The following ROBO2 variants were observed in gnomAD, a reference collection of about 807,000 sequenced individuals.
ROBO2 encodes the protein roundabout homolog 2.
In ROBO2, 53 loss-of-function variants were observed where a neutral mutation model predicts 160.8. The ratio of observed to expected loss-of-function variants is 0.33; its 90% CI spans 0.26 to 0.41. ROBO2 has a LOEUF of 0.41. ROBO2 is among the 10% of genes least tolerant of loss of function. The pLI is 1.00. For synonymous variants in ROBO2, 664 were observed against 611.7 expected (o/e 1.09, Z -1.26); for missense variants, 1,577 against 1,722.4 (o/e 0.92, Z 1.49).
At chr3:76,826,509 T>C (rs5745848) in intron 2 of ROBO2, among the ~76,000 whole-genome samples, 19,166 of 152,058 alleles carry the variant, frequency 0.13, 1,338 homozygotes, top group East Asian at 0.24. Context: ...CCATGCATAC[T>C]AGCTGAAGGG....
chr3:77,499,912 G>A (rs903329498), intron 5 of ROBO2, among the ~76,000 whole-genome samples: 14 of 152,116 alleles, frequency 9.2e-5, no homozygotes, highest in African/African-American at 3.4e-4. Context: ...CTCCCAAACT[G>A]CTGGGATTAC....
In ROBO2 at chr3:77,316,777, C is replaced by T; in HGVS notation, c.389-160637C>T. The T allele has an allele frequency of 3.2e-6, 4 of 1,249,142 alleles. No individual in the cohort carries two copies. In the South Asian group the frequency reaches 4.8e-5, roughly 15 times the overall value. 77.4% of individuals were successfully genotyped at this position (1,249,142 alleles called of 1,614,324 possible). ...TCATGCTTGAAATTTCAGTCCTAGA[C>T]CAAGCTTGTGGCCACCAGCCTTGAC... On this transcript the variant is annotated intron_variant, in intron 2 of 25. Coordinates refer to ENST00000461745, the Ensembl canonical transcript of ROBO2.
chr3:76,441,831 G>C (rs1242893401), intron 2 of ROBO2, among the ~76,000 whole-genome samples: 1 of 152,214 alleles, frequency 6.6e-6, no homozygotes, highest in Non-Finnish European at 1.5e-5. Flanking sequence ...TCCAGTCGCA[G>C]CTGCTAGGCT....
At chr3:76,532,445 A>G (rs1299735821) in intron 2 of ROBO2, among the ~76,000 whole-genome samples, 1 of 152,206 alleles carries the variant, frequency 6.6e-6, no homozygotes, top group African/African-American at 2.4e-5. Flanking sequence ...TTATGATTGT[A>G]AATGTTTCAA....
intron 2 of ROBO2, among the ~76,000 whole-genome samples, chr3:76,065,157 A>G (rs2068210218): frequency 6.6e-6 from 1 of 152,170 alleles, no homozygotes; most frequent in Admixed American, 6.6e-5. Context: ...TCATTAATGT[A>G]GTGATAGACA....
chr3:76,900,360 AGGTT>A (rs1452576800), intron 2 of ROBO2, among the ~76,000 whole-genome samples: 2 of 152,180 alleles, frequency 1.3e-5, no homozygotes, highest in African/African-American at 4.8e-5. Context: ...CTCTAAGCTT[AGGTT>A]GGTTGGAGAA....
At chr3:76,995,662 A>G (rs916792407) in intron 2 of ROBO2, among the ~76,000 whole-genome samples, 32 of 152,148 alleles carry the variant, frequency 2.1e-4, no homozygotes, top group African/African-American at 7.2e-4. Context: ...ATGAGATGGT[A>G]TCTCATTGTG....
chr3:76,977,714 C>T lies in ROBO2; in HGVS notation c.110-120300C>T, dbSNP rs72902022. ...CAAAAACATTTGACAACACCTTCTG[C>T]ATTGCTGAGCACTACAGTTACATGG... On this transcript the variant is annotated intron_variant, in intron 2 of 26. Coordinates refer to the ROBO2 transcript ENST00000487694. Among the ~76,000 whole-genome samples, 918 of 152,238 alleles carry T rather than the reference C, an allele frequency of 6.0e-3. 9 individuals carry two copies. The highest frequency in any genetic ancestry group is 0.021 in the African/African-American group (859 of 41,574).
chr3:76,153,835 G>GCAT (rs1442642573), intron 2 of ROBO2, among the ~76,000 whole-genome samples: 2 of 152,060 alleles, frequency 1.3e-5, no homozygotes, highest in African/African-American at 4.8e-5. Context: ...AAAATGACTT[G>GCAT]CATCACTTTT....
At chr3:76,637,485 C>T (rs901000783) in intron 2 of ROBO2, among the ~76,000 whole-genome samples, 1 of 151,410 alleles carries the variant, frequency 6.6e-6, no homozygotes, top group Admixed American at 6.6e-5. Flanking sequence ...CCACCAAGTG[C>T]CTGGGACAGG....
intron 2 of ROBO2, among the ~76,000 whole-genome samples, chr3:76,517,744 T>C (rs2081411189): frequency 1.3e-5 from 2 of 152,154 alleles, no homozygotes; most frequent in South Asian, 4.1e-4. Context: ...ATCTGGGATA[T>C]AAACCAGTAG....
Position 77,278,396 on chromosome 3 carries a change from A to T in ROBO2, c.388+180056A>T, listed in dbSNP as rs2060029300. Among the ~76,000 whole-genome samples, 3 of 152,184 alleles carry T rather than the reference A, an allele frequency of 2.0e-5. No individual in the cohort carries two copies. In the South Asian group the frequency reaches 6.2e-4, roughly 31 times the overall value. ...ATAAATAGATGCATATTTAGGGGTT[A>T]TGTCCTGGACTGAGGTACAGTGTTG... On this transcript the variant is annotated intron_variant, in intron 2 of 25. Transcript: ENST00000461745.
intron 2 of ROBO2, among the ~76,000 whole-genome samples, chr3:77,238,195 C>T (rs903268552): frequency 6.6e-6 from 1 of 152,086 alleles, no homozygotes; most frequent in Non-Finnish European, 1.5e-5. Flanking sequence ...TATTCATTCG[C>T]TAGACATCTA....
intron 2 of ROBO2, among the ~76,000 whole-genome samples, chr3:76,723,574 C>T (rs1412135413): frequency 6.6e-6 from 1 of 152,192 alleles, no homozygotes. Flanking sequence ...GCCCCGCCCA[C>T]TTCATTCTCA....
chr3:76,549,744 A>G (rs1426085525), intron 2 of ROBO2, among the ~76,000 whole-genome samples: 6 of 152,202 alleles, frequency 3.9e-5, no homozygotes, highest in Admixed American at 3.9e-4. Flanking sequence ...TTCATCTACT[A>G]GAAAATTCTT....
chr3:76,744,384 G>A (rs1439389287), intron 2 of ROBO2, among the ~76,000 whole-genome samples: 1 of 150,348 alleles, frequency 6.7e-6, no homozygotes, highest in Non-Finnish European at 1.5e-5. Context: ...TTTTGAGATA[G>A]GGTCTCCTTA....
At chr3:77,635,716 T>C (rs1261736603) in intron 24 of ROBO2, among the ~76,000 whole-genome samples, 1 of 152,228 alleles carries the variant, frequency 6.6e-6, no homozygotes, top group Non-Finnish European at 1.5e-5. Context: ...GCACAGATTT[T>C]TACCCCAGAT....
In ROBO2 at chr3:77,602,355, A is replaced by G. The variant is rs1293149900; in HGVS notation, c.3000A>G (p.Thr1000=). The change falls in exon 20 of 26, where the codon ACA becomes ACG. Residue 1000 remains threonine (T), a synonymous_variant. Coordinates refer to ENST00000461745, the Ensembl canonical transcript of ROBO2. ...CACAGGCTACCCCATATGCCACGAC[A>G]CAGATCTTGCATTCCAACAGCATAC... 2.5e-6 allele frequency: 4 copies of G among 1,614,136 alleles called. 1 individual carries two copies. In the South Asian group the frequency reaches 4.4e-5, roughly 18 times the overall value.
exon 24 of ROBO2, chr3:77,634,905 A>T (rs752277492): frequency 6.2e-7 from 1 of 1,614,088 alleles, no homozygotes; most frequent in East Asian, 2.2e-5. Context: ...ACCTCGACCT[A>T]CCAGCCCATT....
Sources: allele counts gnomAD v4.1 joint callset (sites outside exome capture counted in the v4.1 genomes callset), GRCh38; gene constraint gnomAD v4.1.1; transcripts MANE v1.5; gene names NCBI Gene and HGNC (gene_info 2026-07-23, HGNC 2026-07-21).